Variants in SETBP1 observed in about 807,000 individuals in gnomAD.
The protein encoded by SETBP1 is SET-binding protein.
A neutral mutation model predicts 101.0 loss-of-function variants in SETBP1; 9 were observed. The ratio of observed to expected loss-of-function variants is 0.09; its 90% CI spans 0.05 to 0.16. The LOEUF is 0.16. Ranked by LOEUF, SETBP1 falls within the 10% of genes least tolerant of loss-of-function variation. The probability of loss-of-function intolerance (pLI) is 1.00; values close to 1 mark genes in which losing one functional copy is unlikely to be tolerated. For missense variants in SETBP1, 1,858 were observed against 2,033.8 expected (o/e 0.91, Z 1.66); for synonymous variants, 818 against 788.5 (o/e 1.04, Z -0.63).
intron 3 of SETBP1, among the ~76,000 whole-genome samples, chr18:44,893,126 A>G (rs573620293): frequency 2.6e-5 from 4 of 152,276 alleles, no homozygotes; most frequent in Admixed American, 6.5e-5. Context: ...CCTTTTCCAT[A>G]ACAACTGTGA....
intron 2 of SETBP1, among the ~76,000 whole-genome samples, chr18:44,772,393 G>A (rs990610649): frequency 6.6e-6 from 1 of 152,152 alleles, no homozygotes; most frequent in African/African-American, 2.4e-5. Flanking sequence ...ACAGGGCTAG[G>A]CCTCCTGCAC....
intron 4 of SETBP1, among the ~76,000 whole-genome samples, chr18:45,037,407 G>A (rs781435113): frequency 3.3e-5 from 5 of 152,046 alleles, no homozygotes; most frequent in African/African-American, 7.2e-5. Flanking sequence ...AATGATAGTC[G>A]CAATAATAGG....
At chr18:45,020,338 G>C (rs2073034346) in intron 4 of SETBP1, among the ~76,000 whole-genome samples, 1 of 146,164 alleles carries the variant, frequency 6.8e-6, no homozygotes, top group Non-Finnish European at 1.5e-5. Flanking sequence ...GTCCTTCTGA[G>C]TCACTTTTAC....
At chr18:44,719,065 A>C (rs1009424906) in intron 2 of SETBP1, among the ~76,000 whole-genome samples, 1 of 152,198 alleles carries the variant, frequency 6.6e-6, no homozygotes, top group Non-Finnish European at 1.5e-5. Flanking sequence ...TGATATATTT[A>C]ATCTATGGGA....
At chr18:44,890,716 A>G (rs550545474) in intron 3 of SETBP1, among the ~76,000 whole-genome samples, 3 of 152,240 alleles carry the variant, frequency 2.0e-5, no homozygotes, top group African/African-American at 7.2e-5. Context: ...CTTAAAAAGT[A>G]ATTTCCTAAT....
chr18:44,950,360 A>C lies in SETBP1; in HGVS notation c.1020A>C (p.Lys340Asn), dbSNP rs775942962. ...TVGSKKKSSK[K>N]DVISQTIPNP... ...GCAGCAAGAAAAAGTCCAGTAAAAA[A>C]GATGTGATAAGTCAGACCATACCAA... The change falls in exon 4 of 6, where the codon AAA (lysine) becomes AAC (asparagine). Residue 340 changes from lysine to asparagine, a missense_variant. Lys to Asn is a moderately conservative substitution (Grantham distance 94). Coordinates refer to ENST00000649279, the MANE Select transcript of SETBP1 (RefSeq NM_015559.3). The C allele has an allele frequency of 1.9e-6, 3 of 1,614,144 alleles. No individual in the cohort carries two copies. The highest frequency in any genetic ancestry group is 2.5e-6 in the Non-Finnish European group (3 of 1,180,054).
chr18:44,950,561 G>A lies in SETBP1; in HGVS notation c.1221G>A (p.Lys407=). The A allele has an allele frequency of 6.2e-7, 1 of 1,613,986 alleles. No individual in the cohort carries two copies. The highest frequency in any genetic ancestry group is 1.1e-5 in the South Asian group (1 of 91,078). Residue 407 remains lysine, a synonymous_variant, in exon 4 of 6, where the codon AAG becomes AAA. Transcript: ENST00000649279. ...ATGTCCGGATTACTATCCCCATCAAGGCACCCTCTCTGGATCCAACCAACC... is the reference window on the plus strand; with the variant it reads ...ATGTCCGGATTACTATCCCCATCAAAGCACCCTCTCTGGATCCAACCAACC... ...SSHVRITIPI[K]APSLDPTNHK... is the part of the protein sequence containing the mutation.
intron 4 of SETBP1, among the ~76,000 whole-genome samples, chr18:45,009,041 T>G (rs1353964640): frequency 4.6e-5 from 7 of 152,110 alleles, no homozygotes; most frequent in Non-Finnish European, 1.0e-4. Context: ...TGTGCTGTGG[T>G]GGCAACATGA....
chr18:44,863,921 G>A (rs2069071950), intron 2 of SETBP1, among the ~76,000 whole-genome samples: 1 of 152,090 alleles, frequency 6.6e-6, no homozygotes, highest in South Asian at 2.1e-4. Context: ...GATCCTTCTG[G>A]CCAGATGTTC....
intron 5 of SETBP1, among the ~76,000 whole-genome samples, chr18:45,054,717 A>G (rs939533260): frequency 3.3e-5 from 5 of 152,068 alleles, no homozygotes; most frequent in African/African-American, 9.7e-5. Context: ...CCCTTGAGCA[A>G]CCTAGCAATG....
At chr18:44,802,806 C>G (rs1431203796) in intron 2 of SETBP1, among the ~76,000 whole-genome samples, 1 of 152,130 alleles carries the variant, frequency 6.6e-6, no homozygotes, top group East Asian at 1.9e-4. Flanking sequence ...TTCACTTCTC[C>G]TTAGTAATAG....
intron 2 of SETBP1, among the ~76,000 whole-genome samples, chr18:44,729,437 G>C (rs1187783376): frequency 6.6e-6 from 1 of 152,206 alleles, no homozygotes; most frequent in Non-Finnish European, 1.5e-5. Flanking sequence ...GCATTAAGCA[G>C]GTAGCATCTG....
intron 3 of SETBP1, among the ~76,000 whole-genome samples, chr18:44,940,343 C>T (rs1194803428): frequency 6.6e-6 from 1 of 151,960 alleles, no homozygotes; most frequent in Non-Finnish European, 1.5e-5. Context: ...TATTTTCTTG[C>T]AGTATATTAT....
chr18:44,977,393 G>T (rs758158560), intron 4 of SETBP1, among the ~76,000 whole-genome samples: 4 of 152,228 alleles, frequency 2.6e-5, no homozygotes, highest in Non-Finnish European at 5.9e-5. Context: ...TCAAGAAGGA[G>T]CACCCGCCAG....
intron 2 of SETBP1, among the ~76,000 whole-genome samples, chr18:44,777,787 A>C (rs1281764113): frequency 6.6e-6 from 1 of 152,232 alleles, no homozygotes; most frequent in East Asian, 1.9e-4. Context: ...TCTGACTTTC[A>C]CACAACTTCT....
intron 2 of SETBP1, among the ~76,000 whole-genome samples, chr18:44,803,370 A>G (rs2071650249): frequency 6.6e-6 from 1 of 152,102 alleles, no homozygotes; most frequent in Non-Finnish European, 1.5e-5. Context: ...GCCCTAATGG[A>G]ACACTATTGA....
chr18:44,795,557 A>T (rs942375096), intron 2 of SETBP1, among the ~76,000 whole-genome samples: 1 of 152,186 alleles, frequency 6.6e-6, no homozygotes, highest in Non-Finnish European at 1.5e-5. Flanking sequence ...ATCCAGGGTG[A>T]TTATTATCTG....
At chr18:45,044,400 A>G (rs1296369916) in intron 5 of SETBP1, among the ~76,000 whole-genome samples, 1 of 152,200 alleles carries the variant, frequency 6.6e-6, no homozygotes, top group Non-Finnish European at 1.5e-5. Flanking sequence ...GCTGTGCTGA[A>G]TATGGCACGT....
At chr18:44,886,257 C>G (rs2069645434) in intron 3 of SETBP1, among the ~76,000 whole-genome samples, 1 of 152,124 alleles carries the variant, frequency 6.6e-6, no homozygotes, top group African/African-American at 2.4e-5. Context: ...CAGAAGCCTT[C>G]CAGCCTCTAG....
Sources: gnomAD v4.1 joint callset for allele counts (sites outside exome capture counted in the v4.1 genomes callset) on GRCh38, gnomAD v4.1.1 for gene constraint, MANE v1.5 for transcripts, NCBI Gene and HGNC (gene_info 2026-07-23, HGNC 2026-07-21) for gene names.